The following AK9 variants were observed in gnomAD, a reference collection of about 807,000 sequenced individuals.
AK9 encodes adenylate kinase 9, also known as adenylate kinase domain containing 1.
AK9 carries 191 observed loss-of-function variants against 239.6 expected under a neutral mutation model. The observed-to-expected ratio is 0.80, with a 90% CI of 0.71 to 0.90. AK9 has a LOEUF of 0.90. Ranked by LOEUF, AK9 falls within the 40% of genes least tolerant of loss-of-function variation. The pLI, the probability that AK9 is intolerant of heterozygous loss-of-function variation, is 0.00. For synonymous variants in AK9, 689 were observed against 721.0 expected (o/e 0.96, Z 0.71); for missense variants, 1,995 against 2,214.7 (o/e 0.90, Z 1.99).
intron 8 of AK9, among the ~76,000 whole-genome samples, chr6:109,651,955 A>C (rs978408190): frequency 1.3e-5 from 2 of 152,204 alleles, no homozygotes; most frequent in African/African-American, 2.4e-5. Flanking sequence ...ACGGATTCAC[A>C]GCCAAACTCT....
intron 28 of AK9, among the ~76,000 whole-genome samples, chr6:109,531,173 A>AT (rs1781196823): frequency 6.6e-6 from 1 of 152,250 alleles, no homozygotes; most frequent in Admixed American, 6.5e-5. Context: ...TTGGGATAAG[A>AT]TTGAGAATTC....
intron 2 of AK9, among the ~76,000 whole-genome samples, chr6:109,675,030 C>CA (rs1383785104): frequency 6.6e-6 from 1 of 152,162 alleles, no homozygotes; most frequent in Non-Finnish European, 1.5e-5. Context: ...TGTGGAAAGT[C>CA]AACACATAGG....
chr6:109,597,617 G>A (rs1049091682), intron 17 of AK9, among the ~76,000 whole-genome samples: 1 of 152,114 alleles, frequency 6.6e-6, no homozygotes, highest in African/African-American at 2.4e-5. Flanking sequence ...AGCTTGCAGT[G>A]AGCCGAGATG....
intron 32 of AK9, among the ~76,000 whole-genome samples, chr6:109,509,785 C>T (rs9487133): frequency 0.051 from 7,777 of 152,176 alleles, 538 homozygotes; most frequent in African/African-American, 0.16. Context: ...GCAGGAGCTG[C>T]GGACAAGCAG....
intron 21 of AK9, among the ~76,000 whole-genome samples, chr6:109,570,611 A>C (rs1707728261): frequency 6.6e-6 from 1 of 152,124 alleles, no homozygotes; most frequent in African/African-American, 2.4e-5. Context: ...AGAGGCAATA[A>C]GGTGGAGAAG....
At position 109,662,643 on chromosome 6, in the gene AK9, G is replaced by A; in HGVS notation, c.352C>T (p.Pro118Ser). The A allele has an allele frequency of 6.4e-7, 1 of 1,565,980 alleles. No individual in the cohort carries two copies. Among genetic ancestry groups the A allele is most frequent in the Non-Finnish European group, 8.7e-7 (1 of 1,155,186 alleles). ...CHFGYIITEI[P>S]SLSQDAMTTL... The stretch of plus-strand genomic sequence containing the variant: ...GTCATGGCATCCTGTGAAAGTGATG[G>A]TATTTCAGTGATAATATAACCTGTA... The change falls in exon 6 of 41, where the codon CCA (proline) becomes TCA (serine). Residue 118 changes from proline (P) to serine (S), a missense_variant. Pro to Ser is a moderately conservative substitution (Grantham distance 74). Transcript: ENST00000424296.
chr6:109,637,186 A>G (rs1000086521), intron 10 of AK9, among the ~76,000 whole-genome samples: 1 of 152,160 alleles, frequency 6.6e-6, no homozygotes, highest in Non-Finnish European at 1.5e-5. Context: ...CTGGCTATTT[A>G]TATATCTTCT....
chr6:109,515,967 G>A lies in AK9; in HGVS notation c.3955C>T (p.Arg1319Cys), dbSNP rs1246391134. 1.9e-6 allele frequency: 3 copies of A among 1,551,550 alleles called. No homozygotes were observed. Among genetic ancestry groups the A allele is most frequent in the Non-Finnish European group, 2.6e-6 (3 of 1,146,824 alleles). The change falls in exon 31 of 41, where the codon CGT becomes TGT. Residue 1319 changes from arginine (R) to cysteine (C), a missense_variant. Around this residue, in one of 5 missense-constraint regions of AK9, gnomAD observed 1,290 missense variants for 1,392.7 expected, o/e 0.93. Transcript: ENST00000424296. ...NMKLKPLVEN[R>C]ASIFEKCHPI... is the part of the protein sequence containing the mutation. ...TGACATTTCTCAAAAATGCTTGCAC[G>A]ATTTTCCACCAGTGGTTTCAGTTTC... is the stretch of plus-strand genomic sequence containing the variant.
At chr6:109,648,044 G>C (rs1392869420) in intron 8 of AK9, among the ~76,000 whole-genome samples, 1 of 151,990 alleles carries the variant, frequency 6.6e-6, no homozygotes, top group Non-Finnish European at 1.5e-5. Flanking sequence ...AAACCAACGA[G>C]AACAAAGACA....
At chr6:109,572,217 G>A (rs1787502619) in intron 21 of AK9, among the ~76,000 whole-genome samples, 1 of 152,142 alleles carries the variant, frequency 6.6e-6, no homozygotes, top group African/African-American at 2.4e-5. Flanking sequence ...AGGCAGTATG[G>A]TAGATACTGT....
intron 5 of AK9, among the ~76,000 whole-genome samples, 196 bp from the exon 6 acceptor site, chr6:109,662,859 GAT>G (rs953722754): frequency 2.0e-5 from 3 of 151,738 alleles, no homozygotes; most frequent in Non-Finnish European, 4.4e-5. Flanking sequence ...TTTTTCTGAT[GAT>G]AAAGAAATCA....
chr6:109,564,253 G>C lies in AK9; in HGVS notation c.2462C>G (p.Ser821Cys), dbSNP rs1376687595. Reference protein sequence around the residue: ...TVVLPEFPEDSYPDVPEMEPF... With the variant: ...TVVLPEFPEDCYPDVPEMEPF... ...CTCCATTTCGGGAACATCAGGATAA[G>C]AGTCTTCTGGAAACTCAGGTAGTAC... The change falls in exon 23 of 41, where the codon TCT becomes TGT. Residue 821 changes from serine (S) to cysteine (C), a missense_variant. Around this residue, in one of 5 missense-constraint regions of AK9, gnomAD observed 1,290 missense variants for 1,392.7 expected, o/e 0.93. Transcript: ENST00000424296. 6.4e-7 allele frequency: 1 copy of C among 1,550,526 alleles called. No homozygotes were observed. Among genetic ancestry groups the C allele is most frequent in the African/African-American group, 1.4e-5 (1 of 72,984 alleles).
At chr6:109,580,904 G>GT (rs386408225) in intron 19 of AK9, among the ~76,000 whole-genome samples, 7 of 128,604 alleles carry the variant, frequency 5.4e-5, no homozygotes, top group Admixed American at 8.0e-5. Context: ...AGATATCGTG[G>GT]TTTTTTTTTG....
intron 26 of AK9, among the ~76,000 whole-genome samples, chr6:109,544,087 C>T (rs934369830): frequency 4.6e-5 from 7 of 152,098 alleles, no homozygotes; most frequent in African/African-American, 1.7e-4. Flanking sequence ...CCACTGCACT[C>T]TGGCCTGGGC....
In AK9 at chr6:109,633,243, T is replaced by G. The variant is rs557222177; in HGVS notation, c.1014A>C (p.Thr338=). The G allele has an allele frequency of 6.2e-6, 10 of 1,609,802 alleles. No individual in the cohort carries two copies. In the East Asian group the frequency reaches 2.0e-4, roughly 32 times the overall value. Residue 338 remains threonine, a synonymous_variant, in exon 11 of 41, where the codon ACA becomes ACC. Coordinates refer to ENST00000424296, the MANE Select transcript of AK9 (RefSeq NM_001145128.3). ...TACCATCTTTTAAATTCACAGGACATGTACGTCCCCATTTACTTCTTTGCC... is the reference window on the plus strand; with the variant it reads ...TACCATCTTTTAAATTCACAGGACAGGTACGTCCCCATTTACTTCTTTGCC... ...YRWQRSKWGR[T]CPVNLKDGNI... is the part of the protein sequence containing the mutation.
chr6:109,620,643 T>C (rs1366833378), intron 12 of AK9, among the ~76,000 whole-genome samples: 1 of 152,040 alleles, frequency 6.6e-6, no homozygotes, highest in Non-Finnish European at 1.5e-5. Context: ...CACTGTTTTA[T>C]TCCATGCCAA....
intron 38 of AK9, 126 bp from the exon 39 acceptor site, chr6:109,495,566 G>A (rs1776950621): frequency 3.4e-6 from 2 of 590,832 alleles, no homozygotes; most frequent in African/African-American, 3.8e-5. Flanking sequence ...AATGATACAA[G>A]TGGGAATGCT....
intron 28 of AK9, among the ~76,000 whole-genome samples, chr6:109,531,416 T>C (rs1781237333): frequency 6.6e-6 from 1 of 152,092 alleles, no homozygotes; most frequent in African/African-American, 2.4e-5. Flanking sequence ...GCTGCTTTCC[T>C]ATTCTAGGTC....
intron 28 of AK9, among the ~76,000 whole-genome samples, chr6:109,531,155 T>A (rs1032805917): frequency 6.6e-6 from 1 of 152,118 alleles, no homozygotes; most frequent in Non-Finnish European, 1.5e-5. Context: ...AGAAAAAAAT[T>A]AGAGAATTTG....
Sources: allele counts gnomAD v4.1 joint callset (sites outside exome capture counted in the v4.1 genomes callset), GRCh38; gene constraint gnomAD v4.1.1; regional missense constraint gnomAD v4.1.1; transcripts MANE v1.5; gene names NCBI Gene and HGNC (gene_info 2026-07-23, HGNC 2026-07-21).